Variants in ECE1 observed in about 807,000 individuals in gnomAD.
ECE1 encodes the protein endothelin-converting enzyme 1.
ECE1 carries 35 observed loss-of-function variants against 98.6 expected under a neutral mutation model. That is an observed-to-expected ratio of 0.35 (90% CI 0.27 to 0.47). The LOEUF (loss-of-function observed/expected upper bound fraction) is 0.47, where lower values mean the gene tolerates loss of function less well. Among genes scored for constraint, ECE1 ranks in the 20% least tolerant of loss-of-function variants. The pLI, the probability that ECE1 is intolerant of heterozygous loss-of-function variation, is 1.00. For synonymous variants in ECE1, 394 were observed against 407.1 expected (o/e 0.97, Z 0.39); for missense variants, 814 against 1,025.3 (o/e 0.79, Z 2.81).
chr1:21,237,690 C>T (rs568555412), intron 11 of ECE1, among the ~76,000 whole-genome samples: 13 of 152,328 alleles, frequency 8.5e-5, no homozygotes, highest in African/African-American at 2.6e-4. Context: ...CCAGGCCACC[C>T]GACCAGCGGT....
In ECE1 at chr1:21,260,891, T is replaced by C. The variant is rs1016215268; in HGVS notation, c.494-499A>G. Among the ~76,000 whole-genome samples, 2 of 152,196 alleles carry C rather than the reference T, an allele frequency of 1.3e-5. No individual in the cohort carries two copies. Among genetic ancestry groups the C allele is most frequent in the Non-Finnish European group, 2.9e-5 (2 of 68,016 alleles). ...TCCTCCTTGGAGGGGCTAGGCACGT[T>C]CACCAGGCTTACAGCCAACTCCTGG... On this transcript the variant is annotated intron_variant, in intron 4 of 18. Transcript: ENST00000374893. This position sits in a 1 kb window ranked among gnomAD's most constrained non-coding sequence, Gnocchi z 4.3.
In ECE1 at chr1:21,272,938, G is replaced by A. The variant is rs1428323126; in HGVS notation, c.281-27C>T. The A allele has an allele frequency of 5.0e-6, 8 of 1,613,014 alleles. No homozygotes were observed. The African/African-American group carries it at 1.1e-4, about 22-fold the overall frequency. ...TGGAAGGGTTAAGGACAAGAGGCCAGTGAAGGGCAGGCAGGGAAGAAGCAG... is the reference window on the plus strand; with the variant it reads ...TGGAAGGGTTAAGGACAAGAGGCCAATGAAGGGCAGGCAGGGAAGAAGCAG... On this transcript the variant is annotated intron_variant, in intron 3 of 18. Transcript: ENST00000374893.
Position 21,235,942 on chromosome 1 carries a change from C to T in ECE1, c.1489-15G>A. On this transcript the variant is annotated splice_polypyrimidine_tract_variant and intron_variant, in intron 12 of 18. Coordinates refer to ENST00000374893, the MANE Select transcript of ECE1 (RefSeq NM_001397.3). The surrounding 1 kb of genome is among the most constrained non-coding windows in gnomAD (Gnocchi z 4.2). ...ATGGCATCGGCCTGGACAGGACAGA[C>T]AGAGGAAGTGAGTGCCCGGCAACAT... is the stretch of plus-strand genomic sequence containing the variant. The T allele has an allele frequency of 6.2e-7, 1 of 1,613,624 alleles. No individual in the cohort carries two copies. The highest frequency in any genetic ancestry group is 8.5e-7 in the Non-Finnish European group (1 of 1,179,498).
chr1:21,330,405 AT>A (rs1639175493), intron 1 of ECE1, among the ~76,000 whole-genome samples: 1 of 150,932 alleles, frequency 6.6e-6, no homozygotes, highest in South Asian at 2.1e-4. Flanking sequence ...ATTGTTTCGT[AT>A]TTTTTGTAGA....
chr1:21,233,368 C>G lies in ECE1; in HGVS notation c.1670+190G>C. The stretch of plus-strand genomic sequence containing the variant: ...GGCTCAAGCCCATCCCAGCTCCTAG[C>G]TGGGCCATACTTCTTTTGCCCTTGG... On this transcript the variant is annotated intron_variant, in intron 14 of 18. Coordinates refer to ENST00000374893, the MANE Select transcript of ECE1 (RefSeq NM_001397.3). This position sits in a 1 kb window ranked among gnomAD's most constrained non-coding sequence, Gnocchi z 4.0. 3.6e-6 allele frequency: 2 copies of G among 562,188 alleles called. No homozygotes were observed. Among genetic ancestry groups the G allele is most frequent in the Non-Finnish European group, 6.4e-6 (2 of 314,666 alleles). The allele number at this position is 562,188 out of a possible 1,614,324, so 34.8% of individuals were successfully genotyped here. A position where few individuals can be genotyped will look rare whatever the true frequency, so the allele number is the denominator to read the frequency against.
At chr1:21,251,997 T>G (rs2098213461) in intron 8 of ECE1, among the ~76,000 whole-genome samples, 1 of 152,182 alleles carries the variant, frequency 6.6e-6, no homozygotes, top group Admixed American at 6.5e-5. Context: ...TCAAATAGGG[T>G]TCCACCATTA....
intron 2 of ECE1, among the ~76,000 whole-genome samples, chr1:21,283,729 C>T (rs561361238): frequency 1.8e-4 from 28 of 152,278 alleles, no homozygotes; most frequent in African/African-American, 6.5e-4. Flanking sequence ...TGGAGCTGAC[C>T]CTCACTGTTT....
chr1:21,289,171 C>T (rs535555773), intron 2 of ECE1, among the ~76,000 whole-genome samples: 5 of 152,334 alleles, frequency 3.3e-5, no homozygotes, highest in African/African-American at 1.2e-4. Context: ...AAATACTTCC[C>T]TTGGTCTACC....
chr1:21,248,197 GTC>G (rs1007540013), intron 8 of ECE1, among the ~76,000 whole-genome samples: 1 of 151,170 alleles, frequency 6.6e-6, no homozygotes, highest in Non-Finnish European at 1.5e-5. Flanking sequence ...TTGAGACGGA[GTC>G]TCACTCTCTT....
chr1:21,298,355 G>A (rs575562596), intron 1 of ECE1: 45 of 203,882 alleles, frequency 2.2e-4, no homozygotes, highest in African/African-American at 5.9e-4. Flanking sequence ...TCGGTGCTCC[G>A]CGGCAGCATG....
chr1:21,305,557 G>A (rs183544383), intron 1 of ECE1, among the ~76,000 whole-genome samples: 11 of 152,230 alleles, frequency 7.2e-5, no homozygotes, highest in Admixed American at 3.9e-4. Flanking sequence ...TCAGACCACC[G>A]GGGCCAAGAA....
chr1:21,342,205 G>A (rs1436007078), intron 1 of ECE1, among the ~76,000 whole-genome samples: 3 of 152,186 alleles, frequency 2.0e-5, no homozygotes, highest in Non-Finnish European at 4.4e-5. Context: ...GGAAAGTGAA[G>A]GAACATTCTC....
chr1:21,256,174 C>T, intron 7 of ECE1, 36 bp from the exon 8 acceptor site: 1 of 1,575,530 alleles, frequency 6.3e-7, no homozygotes, highest in Non-Finnish European at 8.6e-7. Flanking sequence ...CAGTGGCTGC[C>T]CCCCCACTAT....
chr1:21,303,165 C>T (rs1484416388), intron 1 of ECE1, among the ~76,000 whole-genome samples: 2 of 152,202 alleles, frequency 1.3e-5, no homozygotes, highest in African/African-American at 4.8e-5. Flanking sequence ...GCAAAGTGCC[C>T]GAGCCAGGGC....
intron 1 of ECE1, among the ~76,000 whole-genome samples, chr1:21,335,860 A>T (rs1267506989): frequency 6.6e-6 from 1 of 152,178 alleles, no homozygotes; most frequent in African/African-American, 2.4e-5. Context: ...GGAAGGGGAA[A>T]GTGAGGACTA....
intron 1 of ECE1, among the ~76,000 whole-genome samples, chr1:21,315,465 G>A (rs1638811347): frequency 6.6e-6 from 1 of 152,154 alleles, no homozygotes; most frequent in Admixed American, 6.5e-5. Flanking sequence ...AACCTGGAAA[G>A]TCCTAGGGGC....
chr1:21,272,567 C>CCTCTCA, intron 4 of ECE1, 132 bp downstream of exon 4: 13 of 1,098,738 alleles, frequency 1.2e-5, no homozygotes, highest in Non-Finnish European at 1.6e-5. Flanking sequence ...GCTGGGATTA[C>CCTCTCA]AGGTGTGAGC....
chr1:21,314,419 G>C (rs560490917), intron 1 of ECE1, among the ~76,000 whole-genome samples: 1 of 152,240 alleles, frequency 6.6e-6, no homozygotes, highest in South Asian at 2.1e-4. Flanking sequence ...AGTCCCATTC[G>C]GGAGCCAATC....
Position 21,290,026 on chromosome 1 carries a change from G to C in ECE1, c.138+44C>G. 8.0e-7 allele frequency: 1 copy of C among 1,254,610 alleles called. No individual in the cohort carries two copies. The allele number at this position is 1,254,610 out of a possible 1,614,324, so 77.7% of individuals were successfully genotyped here. ...GCGGCAGCGGCAGCGCGCATGCCCG[G>C]GCCCGGGGCGCCTGGACCTCGGGAG... On this transcript the variant is annotated intron_variant, in intron 2 of 18. Coordinates refer to ENST00000374893, the MANE Select transcript of ECE1 (RefSeq NM_001397.3). This position sits in a 1 kb window ranked among gnomAD's most constrained non-coding sequence, Gnocchi z 7.3.
Sources: allele counts gnomAD v4.1 joint callset (sites outside exome capture counted in the v4.1 genomes callset), GRCh38; gene constraint gnomAD v4.1.1; non-coding constraint Gnocchi (gnomAD v3.1); transcripts MANE v1.5; gene names NCBI Gene and HGNC (gene_info 2026-07-23, HGNC 2026-07-21).